Variants in CFDP1 observed in about 807,000 individuals in gnomAD.
CFDP1 encodes the protein chromatin remodeling protein CFDP1.
Under a neutral mutation model 40.1 loss-of-function variants are expected in CFDP1, and 31 were observed. The observed-to-expected ratio is 0.77, with a 90% CI of 0.58 to 1.04. CFDP1 has a LOEUF of 1.04. Ranked by LOEUF, CFDP1 falls within the 50% of genes least tolerant of loss-of-function variation. The probability of loss-of-function intolerance (pLI) is 0.00; values close to 1 mark genes in which losing one functional copy is unlikely to be tolerated. For missense variants in CFDP1, 423 were observed against 343.4 expected, an observed-to-expected ratio of 1.23 and a Z score of -1.83; for synonymous variants, 167 against 120.0, an observed-to-expected ratio of 1.39 and a Z score of -2.56.
chr16:75,408,606 A>T (rs1001618287), intron 4 of CFDP1, among the ~76,000 whole-genome samples: 2 of 151,926 alleles, frequency 1.3e-5, no homozygotes, highest in South Asian at 4.2e-4. Flanking sequence ...GTGAAATCCC[A>T]TATCTACTAA....
At chr16:75,385,060 G>A (rs908313157) in intron 5 of CFDP1, among the ~76,000 whole-genome samples, 1 of 151,020 alleles carries the variant, frequency 6.6e-6, no homozygotes, top group East Asian at 1.9e-4. Context: ...AGGTATTGCA[G>A]GTACAGAGTA....
At chr16:75,411,699 G>A in intron 4 of CFDP1, 126 bp downstream of exon 4, 1 of 951,874 alleles carries the variant, frequency 1.1e-6, no homozygotes, top group East Asian at 2.6e-5. Context: ...AGTTTTCCTT[G>A]AGTTCAAGTA....
chr16:75,327,450 T>C (rs1225524524), intron 5 of CFDP1, among the ~76,000 whole-genome samples: 1 of 150,520 alleles, frequency 6.6e-6, no homozygotes, highest in Non-Finnish European at 1.5e-5. Context: ...TTACGGGGAA[T>C]GGGGGAAGGG....
chr16:75,296,075 A>G (rs2078179925), intron 6 of CFDP1, among the ~76,000 whole-genome samples: 1 of 152,166 alleles, frequency 6.6e-6, no homozygotes, highest in Admixed American at 6.5e-5. Flanking sequence ...GCTAGCAGAA[A>G]AAAGAGAGGT....
intron 6 of CFDP1, among the ~76,000 whole-genome samples, chr16:75,297,704 ACTTT>A (rs2078194027): frequency 6.6e-6 from 1 of 152,166 alleles, no homozygotes; most frequent in Non-Finnish European, 1.5e-5. Context: ...GAGGCTCTTC[ACTTT>A]CTTTAATAAA....
chr16:75,420,877 G>A (rs1402862827), intron 1 of CFDP1, among the ~76,000 whole-genome samples: 2 of 152,110 alleles, frequency 1.3e-5, no homozygotes, highest in African/African-American at 4.8e-5. Context: ...TAATTTAACT[G>A]TCTGCATTTT....
At chr16:75,370,657 GT>G (rs1256296072) in intron 5 of CFDP1, among the ~76,000 whole-genome samples, 2 of 152,112 alleles carry the variant, frequency 1.3e-5, no homozygotes, top group East Asian at 3.9e-4. Context: ...GAGGTCAGGA[GT>G]TCCAGACCAT....
chr16:75,432,423 CACCTGCAGTCCCAGCT>C (rs71134715), intron 1 of CFDP1, among the ~76,000 whole-genome samples: 25,239 of 149,778 alleles, frequency 0.17, 2,276 homozygotes, highest in Middle Eastern at 0.21. Context: ...TGGCAGCCTG[CACCTGCAGTCCCAGCT>C]ACTCCAGAGG....
chr16:75,426,035 CAAAAAAAA>C (rs71134711), intron 1 of CFDP1, among the ~76,000 whole-genome samples: 29 of 34,508 alleles, frequency 8.4e-4, no homozygotes, highest in South Asian at 3.8e-3. Context: ...CACTCTGTCT[CAAAAAAAA>C]AAAAAAAAAA....
intron 1 of CFDP1, among the ~76,000 whole-genome samples, chr16:75,421,082 C>G (rs981450355): frequency 6.6e-6 from 1 of 152,102 alleles, no homozygotes; most frequent in African/African-American, 2.4e-5. Flanking sequence ...CTCCGGCCAG[C>G]CAGCAGACTA....
intron 5 of CFDP1, among the ~76,000 whole-genome samples, chr16:75,351,437 T>C (rs1034203247): frequency 5.3e-5 from 8 of 152,298 alleles, no homozygotes; most frequent in African/African-American, 1.9e-4. Context: ...TGTTTTGTTA[T>C]GCCATACAGG....
intron 5 of CFDP1, among the ~76,000 whole-genome samples, chr16:75,348,243 T>G (rs2078583955): frequency 6.6e-6 from 1 of 152,148 alleles, no homozygotes; most frequent in South Asian, 2.1e-4. Context: ...CAGTCTTCCC[T>G]CCTCAGTCTC....
At chr16:75,373,099 G>A (rs547163325) in intron 5 of CFDP1, among the ~76,000 whole-genome samples, 3 of 152,136 alleles carry the variant, frequency 2.0e-5, no homozygotes, top group Non-Finnish European at 4.4e-5. Context: ...ACCTATGCTG[G>A]AGCAGCTACT....
chr16:75,403,809 A>T (rs1388300577), intron 4 of CFDP1, among the ~76,000 whole-genome samples: 2 of 152,174 alleles, frequency 1.3e-5, no homozygotes, highest in African/African-American at 4.8e-5. Flanking sequence ...TTCAGGCAGT[A>T]AAATATATTA....
intron 5 of CFDP1, among the ~76,000 whole-genome samples, chr16:75,350,894 T>A (rs541123136): frequency 6.6e-6 from 1 of 152,244 alleles, no homozygotes; most frequent in African/African-American, 2.4e-5. Context: ...GAACCTAATG[T>A]GTCCAACTGG....
chr16:75,379,736 T>C (rs1380014881), intron 5 of CFDP1: 1 of 151,926 alleles, frequency 6.6e-6, no homozygotes, highest in African/African-American at 2.4e-5. Flanking sequence ...GATGGTACCA[T>C]AGGGGGAAAC....
intron 5 of CFDP1, chr16:75,362,996 C>G (rs1357615375): frequency 1.3e-5 from 2 of 152,076 alleles, no homozygotes; most frequent in African/African-American, 2.4e-5. Flanking sequence ...AATCCAGATA[C>G]TTGTCTTCTG....
chr16:75,383,613 G>A (rs1384904939), intron 5 of CFDP1, among the ~76,000 whole-genome samples: 2 of 152,076 alleles, frequency 1.3e-5, no homozygotes, highest in Non-Finnish European at 2.9e-5. Flanking sequence ...GAGGTCAAGT[G>A]ATCGAGACCA....
intron 6 of CFDP1, among the ~76,000 whole-genome samples, chr16:75,304,770 C>G (rs1185644417): frequency 6.6e-6 from 1 of 152,230 alleles, no homozygotes; most frequent in African/African-American, 2.4e-5. Context: ...TCAGCAAATT[C>G]AGCTTGGCAG....
Sources: allele counts gnomAD v4.1 joint callset (sites outside exome capture counted in the v4.1 genomes callset), GRCh38; gene constraint gnomAD v4.1.1; transcripts MANE v1.5; gene names NCBI Gene and HGNC (gene_info 2026-07-23, HGNC 2026-07-21).